The following TEX264 variants were observed in gnomAD, a reference collection of about 807,000 sequenced individuals.
TEX264 encodes testis expressed 264, ER-phagy receptor.
In TEX264, 13 loss-of-function variants were observed where a neutral mutation model predicts 23.4. The observed-to-expected ratio is 0.56, with a 90% CI of 0.36 to 0.88. The LOEUF is 0.88. Ranked by LOEUF, TEX264 falls within the 40% of genes least tolerant of loss-of-function variation. The pLI is 0.01. For missense variants in TEX264, 340 were observed against 406.8 expected (o/e 0.84, Z 1.41); for synonymous variants, 159 against 170.0 (o/e 0.94, Z 0.50).
chr3:51,701,011 C>T (rs866679395), intron 4 of TEX264, among the ~76,000 whole-genome samples: 4 of 152,216 alleles, frequency 2.6e-5, no homozygotes, highest in Non-Finnish European at 5.9e-5. Context: ...TGCTGTGGCC[C>T]TAGCTTAGGC....
intron 1 of TEX264, among the ~76,000 whole-genome samples, chr3:51,673,716 A>T (rs1486076901): frequency 1.3e-5 from 2 of 152,124 alleles, no homozygotes; most frequent in Non-Finnish European, 2.9e-5. Context: ...TTTCTTATGA[A>T]ATTCTCTTCC....
intron 2 of TEX264, 175 bp from the exon 3 acceptor site, chr3:51,684,238 G>GAT: frequency 1.6e-6 from 1 of 612,442 alleles, no homozygotes; most frequent in Non-Finnish European, 2.9e-6. Context: ...CACAGGCAGG[G>GAT]GCCATAGGTG....
At chr3:51,676,192 C>T (rs1027728559) in intron 2 of TEX264, among the ~76,000 whole-genome samples, 2 of 152,234 alleles carry the variant, frequency 1.3e-5, no homozygotes, top group African/African-American at 2.4e-5. Flanking sequence ...CCTGCCCCCC[C>T]TTCCACACCT....
intron 3 of TEX264, among the ~76,000 whole-genome samples, chr3:51,688,160 A>C (rs192762151): frequency 1.3e-5 from 2 of 152,216 alleles, no homozygotes; most frequent in Non-Finnish European, 1.5e-5. Context: ...CCTCTAGTAC[A>C]GGAGGAGACC....
At chr3:51,692,294 G>A (rs1245783880) in intron 3 of TEX264, among the ~76,000 whole-genome samples, 2 of 152,132 alleles carry the variant, frequency 1.3e-5, no homozygotes, top group African/African-American at 4.8e-5. Flanking sequence ...AATTAGGGAG[G>A]GGAAAGAGAT....
intron 4 of TEX264, among the ~76,000 whole-genome samples, chr3:51,699,852 A>T (rs1377107653): frequency 6.6e-6 from 1 of 152,184 alleles, no homozygotes; most frequent in Non-Finnish European, 1.5e-5. Context: ...ATGCAGCAGG[A>T]GTACCCTTGG....
chr3:51,703,497 CCT>C lies in TEX264; in HGVS notation c.650-221_650-220del, dbSNP rs893244501. ...AGAGTGCACAGCTGCCTCCTCCCAC[CCT>C]CTCTCCCTCCCTCCCTCCTTCCCTC... On this transcript the variant is annotated intron_variant, in intron 4 of 4. Coordinates refer to ENST00000341333, the MANE Select transcript of TEX264 (RefSeq NM_015926.6). This position sits in a 1 kb window ranked among gnomAD's most constrained non-coding sequence, Gnocchi z 4.8. 6.6e-6 allele frequency among the ~76,000 whole-genome samples: 1 copy of C among 151,472 alleles called. No individual in the cohort carries two copies. Among genetic ancestry groups the C allele is most frequent in the African/African-American group, 2.4e-5 (1 of 40,886 alleles).
intron 2 of TEX264, among the ~76,000 whole-genome samples, chr3:51,676,838 G>T (rs967990179): frequency 6.6e-6 from 1 of 152,220 alleles, no homozygotes; most frequent in East Asian, 1.9e-4. Flanking sequence ...TGGCCTGGCT[G>T]TGGTCATTTG....
intron 3 of TEX264, among the ~76,000 whole-genome samples, chr3:51,693,475 TG>T (rs1333797645): frequency 4.9e-4 from 72 of 148,214 alleles, no homozygotes; most frequent in African/African-American, 1.7e-3. Flanking sequence ...GTTTCCATTA[TG>T]TTTTTTTTTT....
chr3:51,689,868 A>G (rs1374250102), intron 3 of TEX264, among the ~76,000 whole-genome samples: 1 of 152,124 alleles, frequency 6.6e-6, no homozygotes, highest in Non-Finnish European at 1.5e-5. Context: ...ACTTGTCTTG[A>G]GGGGAGTGTG....
intron 3 of TEX264, among the ~76,000 whole-genome samples, chr3:51,689,650 T>G (rs548204632): frequency 2.6e-5 from 4 of 152,038 alleles, no homozygotes; most frequent in Non-Finnish European, 4.4e-5. Context: ...TGTCTTGAGC[T>G]TTTGTTTGGA....
At position 51,684,571 on chromosome 3, in the gene TEX264, C is replaced by A; in HGVS notation, c.417C>A (p.Thr139=). Residue 139 remains threonine, a synonymous_variant, in exon 3 of 5, where the codon ACC becomes ACA. Coordinates refer to ENST00000341333, the MANE Select transcript of TEX264 (RefSeq NM_015926.6). Reference sequence around the variant, plus strand: ...TGGTGACAGCCACCTTCCCCTACACCACCATTCTGTCCATCTGGCTGGCTA... The same window carrying A: ...TGGTGACAGCCACCTTCCCCTACACAACCATTCTGTCCATCTGGCTGGCTA... The part of the protein sequence containing the change: ...SHVVTATFPY[T]TILSIWLATR... 6.2e-7 allele frequency: 1 copy of A among 1,614,210 alleles called. No individual in the cohort carries two copies. Among genetic ancestry groups the A allele is most frequent in the Non-Finnish European group, 8.5e-7 (1 of 1,180,044 alleles).
chr3:51,675,652 G>T (rs1370636221), intron 2 of TEX264, among the ~76,000 whole-genome samples: 1 of 152,196 alleles, frequency 6.6e-6, no homozygotes, highest in African/African-American at 2.4e-5. Flanking sequence ...ACTTTGAGCT[G>T]TAGGTTCAGG....
intron 3 of TEX264, among the ~76,000 whole-genome samples, chr3:51,689,452 T>TAAA (rs60760403): frequency 1.4e-4 from 17 of 121,172 alleles, no homozygotes; most frequent in South Asian, 2.8e-4. Flanking sequence ...GTAAAAACAT[T>TAAA]AAAAAAAAAA....
chr3:51,698,156 A>C (rs1482289593), intron 3 of TEX264, among the ~76,000 whole-genome samples: 1 of 151,074 alleles, frequency 6.6e-6, no homozygotes, highest in African/African-American at 2.4e-5. Flanking sequence ...TTTCAGGCTC[A>C]CTCCTCTTTC....
At chr3:51,694,045 TCCTC>T (rs1318013978) in intron 3 of TEX264, among the ~76,000 whole-genome samples, 2 of 117,370 alleles carry the variant, frequency 1.7e-5, no homozygotes, top group African/African-American at 3.3e-5. Flanking sequence ...CTTCCTTCCT[TCCTC>T]CCTTCCCTTC....
chr3:51,676,131 C>G (rs1302498186), intron 2 of TEX264, among the ~76,000 whole-genome samples: 1 of 152,132 alleles, frequency 6.6e-6, no homozygotes, highest in Non-Finnish European at 1.5e-5. Context: ...TGGGGAGCTC[C>G]TAGAGCAGAT....
chr3:51,674,596 T>A (rs1330249137), intron 2 of TEX264, 34 bp downstream of exon 2: 1 of 1,600,544 alleles, frequency 6.2e-7, no homozygotes, highest in Admixed American at 1.7e-5. Context: ...GCCCCATGGA[T>A]GGGCCTGGTG....
rs956289367 is a variant in TEX264 at position 51,691,457 on chromosome 3, C to T, written c.480+6823C>T. Among the ~76,000 whole-genome samples the T allele has an allele frequency of 1.3e-5, 2 of 152,214 alleles. No homozygotes were observed. The highest frequency in any genetic ancestry group is 2.9e-5 in the Non-Finnish European group (2 of 68,036). ...ACCTCCTCCAGCCACAGAGCCTAGC[C>T]ATGCCTGGGTGTGGGGAGGGGAGGG... On this transcript the variant is annotated intron_variant, in intron 3 of 4. Transcript: ENST00000341333. This position sits in a 1 kb window ranked among gnomAD's most constrained non-coding sequence, Gnocchi z 4.4.
Sources: allele counts gnomAD v4.1 joint callset (sites outside exome capture counted in the v4.1 genomes callset), GRCh38; gene constraint gnomAD v4.1.1; non-coding constraint Gnocchi (gnomAD v3.1); transcripts MANE v1.5; gene names NCBI Gene and HGNC (gene_info 2026-07-23, HGNC 2026-07-21).